Variants in MKLN1 observed in about 807,000 individuals in gnomAD.
The protein encoded by MKLN1 is muskelin 1, also known as muskelin.
In MKLN1, 18 loss-of-function variants were observed where a neutral mutation model predicts 99.0. The observed-to-expected ratio is 0.18, with a 90% CI of 0.13 to 0.27. The LOEUF (loss-of-function observed/expected upper bound fraction) is 0.27. Ranked by LOEUF, MKLN1 falls within the 10% of genes least tolerant of loss-of-function variation. The pLI is 1.00. For synonymous variants in MKLN1, 288 were observed against 293.2 expected (o/e 0.98, Z 0.18); for missense variants, 621 against 875.9 (o/e 0.71, Z 3.67).
chr7:131,474,018 G>C (rs1584779655), intron 16 of MKLN1, among the ~76,000 whole-genome samples: 1 of 151,944 alleles, frequency 6.6e-6, no homozygotes, highest in Non-Finnish European at 1.5e-5. Flanking sequence ...GGCATGGTGG[G>C]AGGCGCCTGT....
At chr7:131,275,249 A>C (rs990098063) in intron 3 of MKLN1, among the ~76,000 whole-genome samples, 4 of 151,748 alleles carry the variant, frequency 2.6e-5, no homozygotes, top group Non-Finnish European at 4.4e-5. Context: ...ACAGCAAGAG[A>C]GCTCTCTGAA....
At chr7:131,133,974 C>T (rs1448712903) in intron 1 of MKLN1, among the ~76,000 whole-genome samples, 5 of 151,536 alleles carry the variant, frequency 3.3e-5, no homozygotes, top group Non-Finnish European at 7.4e-5. Flanking sequence ...GGATTACAGG[C>T]GCCTGCCACC....
At chr7:131,463,189 TC>T in intron 12 of MKLN1, 27 bp from the exon 13 acceptor site, 1 of 1,550,732 alleles carries the variant, frequency 6.4e-7, no homozygotes, top group Non-Finnish European at 8.9e-7. Flanking sequence ...GTGAATATTT[TC>T]ATCTTATTTT....
chr7:131,404,611 T>C (rs192421303), intron 6 of MKLN1, among the ~76,000 whole-genome samples: 16 of 152,276 alleles, frequency 1.1e-4, no homozygotes, highest in African/African-American at 3.6e-4. Flanking sequence ...TTCTTTTCTT[T>C]TCTTTTTTTT....
chr7:131,455,544 T>C (rs1421254406), intron 12 of MKLN1, among the ~76,000 whole-genome samples: 4 of 152,220 alleles, frequency 2.6e-5, no homozygotes, highest in Non-Finnish European at 5.9e-5. Context: ...ATAAATGTTC[T>C]TTCAAAATAT....
chr7:131,285,259 G>T (rs1004825850), intron 3 of MKLN1, among the ~76,000 whole-genome samples: 2 of 152,236 alleles, frequency 1.3e-5, no homozygotes, highest in Admixed American at 1.3e-4. Flanking sequence ...TGTTCCCTGA[G>T]GAGTGATGTG....
rs1794389877 is a variant in MKLN1, at chr7:131,397,313, T to C, written c.447T>C (p.Tyr149=). The change falls in exon 5 of 18, where the codon TAT becomes TAC. Residue 149 remains tyrosine (Y), a synonymous_variant. Transcript: ENST00000352689. ...WGPSFNFSIW[Y]VELSGIDDPD... is the part of the protein sequence containing the mutation. The stretch of plus-strand genomic sequence containing the variant: ...CCAGCTTTAACTTTAGCATCTGGTA[T>C]GTTGAACTTAGTGGCATTGATGATC... 6.2e-7 allele frequency: 1 copy of C among 1,613,580 alleles called. No homozygotes were observed. The highest frequency in any genetic ancestry group is 1.3e-5 in the African/African-American group (1 of 75,026).
chr7:131,368,074 A>G (rs539073870), intron 1 of MKLN1, among the ~76,000 whole-genome samples: 1 of 152,344 alleles, frequency 6.6e-6, no homozygotes, highest in Non-Finnish European at 1.5e-5. Context: ...TATGTTTTAT[A>G]GAATACTACT....
intron 3 of MKLN1, chr7:131,242,752 C>T: frequency 1.4e-6 from 1 of 695,418 alleles, no homozygotes. Flanking sequence ...CACAAAGTGA[C>T]AGCTGCCATG....
At chr7:131,381,891 G>A (rs1481645790) in intron 2 of MKLN1, among the ~76,000 whole-genome samples, 1 of 152,082 alleles carries the variant, frequency 6.6e-6, no homozygotes, top group Non-Finnish European at 1.5e-5. Context: ...GCATACATCT[G>A]TATGTACTCA....
At chr7:131,116,577 T>TA (rs907300062) in intron 1 of MKLN1, among the ~76,000 whole-genome samples, 5 of 151,748 alleles carry the variant, frequency 3.3e-5, no homozygotes, top group African/African-American at 1.2e-4. Flanking sequence ...ATTATTAGAA[T>TA]AAAAAAATTG....
At position 131,411,334 on chromosome 7, in the gene MKLN1, A is replaced by G; in HGVS notation, c.732A>G (p.Gln244=). Residue 244 remains glutamine (Q), a synonymous_variant, in exon 7 of 18, where the codon CAA becomes CAG. Coordinates refer to ENST00000352689, the MANE Select transcript of MKLN1 (RefSeq NM_013255.5). ...NDGLFNQYIS[Q]QEYKPRWSQI... ...GCTTGTTCAATCAGTATATCAGTCAACAGGAATATAAGCCACGATGGAGTC... is the reference window on the plus strand; with the variant it reads ...GCTTGTTCAATCAGTATATCAGTCAGCAGGAATATAAGCCACGATGGAGTC... The G allele has an allele frequency of 6.2e-7, 1 of 1,611,800 alleles. No homozygotes were observed. The highest frequency in any genetic ancestry group is 1.7e-4 in the Middle Eastern group (1 of 6,054).
intron 1 of MKLN1, among the ~76,000 whole-genome samples, chr7:131,140,197 G>A (rs776415755): frequency 4.6e-5 from 7 of 152,066 alleles, no homozygotes; most frequent in Non-Finnish European, 7.4e-5. Context: ...TTTCTTGCTC[G>A]ATCTCTTGAT....
rs376132378 is a variant in MKLN1 at position 131,436,634 on chromosome 7, G to A, written c.961-1151G>A. ...TATGGGGTTGTTATAAGGATTAAAT[G>A]GAACACACACATACACAGTAATAGT... is the stretch of plus-strand genomic sequence containing the variant. On this transcript the variant is annotated intron_variant, in intron 9 of 17. Coordinates refer to ENST00000352689, the MANE Select transcript of MKLN1 (RefSeq NM_013255.5). 5.3e-5 allele frequency among the ~76,000 whole-genome samples: 8 copies of A among 152,264 alleles called. No individual in the cohort carries two copies. In the East Asian group the frequency reaches 1.5e-3, roughly 29 times the overall value.
At chr7:131,155,509 A>T (rs1281159206) in intron 2 of MKLN1, among the ~76,000 whole-genome samples, 1 of 152,058 alleles carries the variant, frequency 6.6e-6, no homozygotes, top group Non-Finnish European at 1.5e-5. Flanking sequence ...GGGATTTTTT[A>T]TTGTAACCTT....
At chr7:131,122,880 G>T (rs373078197) in intron 1 of MKLN1, among the ~76,000 whole-genome samples, 1 of 151,940 alleles carries the variant, frequency 6.6e-6, no homozygotes, top group Non-Finnish European at 1.5e-5. Context: ...AAAATTAGCC[G>T]GGTGTGGTGG....
At chr7:131,328,189 G>A in intron 1 of MKLN1, 192 bp downstream of exon 1, 1 of 684,592 alleles carries the variant, frequency 1.5e-6, no homozygotes, top group Non-Finnish European at 2.4e-6. Context: ...TTAGGGTCCG[G>A]AGAGCGAGCC....
At chr7:131,328,502 T>C (rs1186808376) in intron 1 of MKLN1, among the ~76,000 whole-genome samples, 1 of 152,036 alleles carries the variant, frequency 6.6e-6, no homozygotes, top group Non-Finnish European at 1.5e-5. Context: ...TCTAGAGTAG[T>C]GTTAAAAGTC....
At chr7:131,350,052 A>C (rs1799674860) in intron 1 of MKLN1, among the ~76,000 whole-genome samples, 1 of 152,014 alleles carries the variant, frequency 6.6e-6, no homozygotes, top group South Asian at 2.1e-4. Flanking sequence ...ATGGTCTGCT[A>C]TTTGCTAGGC....
Sources: gnomAD v4.1 joint callset for allele counts (sites outside exome capture counted in the v4.1 genomes callset) on GRCh38, gnomAD v4.1.1 for gene constraint, MANE v1.5 for transcripts, NCBI Gene and HGNC (gene_info 2026-07-23, HGNC 2026-07-21) for gene names.